The following NFKB1 variants were observed in gnomAD, a reference collection of about 807,000 sequenced individuals.
The protein encoded by NFKB1 is nuclear factor kappa B subunit 1.
In NFKB1, 9 loss-of-function variants were observed where a neutral mutation model predicts 105.1. That is an observed-to-expected ratio of 0.09 (90% CI 0.05 to 0.15). The LOEUF (loss-of-function observed/expected upper bound fraction) is 0.15. Among genes scored for constraint, NFKB1 ranks in the 10% least tolerant of loss-of-function variants. The pLI is 1.00. For synonymous variants in NFKB1, 440 were observed against 442.2 expected, an observed-to-expected ratio of 1.00 and a Z score of 0.06; for missense variants, 830 against 1,203.7, an observed-to-expected ratio of 0.69 and a Z score of 4.59.
chr4:102,566,921 A>G, intron 5 of NFKB1, 66 bp from the exon 6 acceptor site: 1 of 1,557,548 alleles, frequency 6.4e-7, no homozygotes. Context: ...CTGGCTTATC[A>G]TAAACATGTT....
intron 5 of NFKB1, among the ~76,000 whole-genome samples, chr4:102,542,828 T>G (rs1742096429): frequency 2.6e-5 from 4 of 152,190 alleles, no homozygotes; most frequent in Admixed American, 2.6e-4. Context: ...GCTGTCTAGA[T>G]AAAAATGTAT....
At chr4:102,552,856 C>T (rs1209478062) in intron 5 of NFKB1, among the ~76,000 whole-genome samples, 1 of 152,074 alleles carries the variant, frequency 6.6e-6, no homozygotes, top group Non-Finnish European at 1.5e-5. Context: ...GTGTTTCCCC[C>T]CTTCCTACTT....
chr4:102,522,310 TA>T (rs1298362437), intron 1 of NFKB1, among the ~76,000 whole-genome samples: 2 of 152,254 alleles, frequency 1.3e-5, no homozygotes, highest in African/African-American at 4.8e-5. Flanking sequence ...ACCATAGCGT[TA>T]CTGTTACCTC....
At chr4:102,550,782 G>A (rs230514) in intron 5 of NFKB1, among the ~76,000 whole-genome samples, 107,236 of 152,080 alleles carry the variant, frequency 0.71, 38,618 homozygotes, top group African/African-American at 0.84. Context: ...ACTTGGATTA[G>A]ATTTTTTCCT....
intron 1 of NFKB1, among the ~76,000 whole-genome samples, chr4:102,512,672 T>C (rs767888030): frequency 2.6e-5 from 4 of 152,218 alleles, no homozygotes; most frequent in Non-Finnish European, 5.9e-5. Flanking sequence ...TTTATCTGTA[T>C]GAGTGGTCAG....
Position 102,601,029 on chromosome 4 carries a change from AAAC to A in NFKB1, c.1752+24_1752+26del, listed in dbSNP as rs771795402. ...TACCAGGTAAGCAGAAATCTCAAGA[AAAC>A]AACTGAAGAAAAATCTGTAGTTTAC... On this transcript the variant is annotated intron_variant, in intron 16 of 23. Coordinates refer to ENST00000226574, the MANE Select transcript of NFKB1 (RefSeq NM_003998.4). 1.4e-6 allele frequency: 2 copies of A among 1,394,990 alleles called. No individual in the cohort carries two copies. The highest frequency in any genetic ancestry group is 1.2e-5 in the South Asian group (1 of 81,600). The allele number at this position is 1,394,990 out of a possible 1,614,324, so 86.4% of individuals were successfully genotyped here.
chr4:102,502,390 G>GCGCGCACACGCACACA lies in NFKB1; in HGVS notation c.-8+603_-8+604insGCGCACACGCACACAC, dbSNP rs1311577382. Among the ~76,000 whole-genome samples the GCGCGCACACGCACACA allele has an allele frequency of 2.6e-4, 27 of 105,398 alleles. 1 individual carries two copies. Among genetic ancestry groups the GCGCGCACACGCACACA allele is most frequent in the South Asian group, 3.7e-4 (1 of 2,720 alleles). The allele number at this position is 105,398 out of a possible 152,430, so 69.1% of individuals were successfully genotyped here. A position where few individuals can be genotyped will look rare whatever the true frequency, so the allele number is the denominator to read the frequency against. On this transcript the variant is annotated intron_variant, in intron 1 of 23. Transcript: ENST00000226574. Reference sequence around the variant, plus strand: ...CCCCCCTCCGTGCGCGCGCGCGCGCGCACACACACACACACACACACACAC... The same window carrying GCGCGCACACGCACACA: ...CCCCCCTCCGTGCGCGCGCGCGCGCGCGCGCACACGCACACACACACACACACACACACACACACAC...
chr4:102,559,442 A>G (rs2149156958), intron 5 of NFKB1, among the ~76,000 whole-genome samples: 1 of 152,138 alleles, frequency 6.6e-6, no homozygotes, highest in African/African-American at 2.4e-5. Context: ...AAAATAAGCC[A>G]TGGGGAGACA....
At chr4:102,607,773 C>A in intron 19 of NFKB1, 22 bp downstream of exon 19, 1 of 1,606,828 alleles carries the variant, frequency 6.2e-7, no homozygotes, top group South Asian at 1.1e-5. Flanking sequence ...ATCTGGCGGT[C>A]ATTAATGAAA....
At chr4:102,573,647 A>C (rs1281997643) in intron 6 of NFKB1, among the ~76,000 whole-genome samples, 3 of 151,886 alleles carry the variant, frequency 2.0e-5, no homozygotes, top group African/African-American at 7.3e-5. Context: ...ACTCCTCTTC[A>C]TCTTCTTCTG....
rs2149206507 is a variant in NFKB1, at chr4:102,596,205, A to T, written c.1368A>T (p.Val456=). 10 of 1,613,630 alleles carry T rather than the reference A, an allele frequency of 6.2e-6. No individual in the cohort carries two copies. The highest frequency in any genetic ancestry group is 8.5e-6 in the Non-Finnish European group (10 of 1,179,594). The change falls in exon 14 of 24, where the codon GTA becomes GTT. Residue 456 remains valine (V), a synonymous_variant. Coordinates refer to ENST00000226574, the MANE Select transcript of NFKB1 (RefSeq NM_003998.4). The stretch of plus-strand genomic sequence containing the variant: ...ACAAAAGTGATGACAAAAACACTGT[A>T]AACCTCTTTGGGAAAGTTATTGAAA... The part of the protein sequence containing the change: ...GCDKSDDKNT[V]NLFGKVIETT...
intron 5 of NFKB1, among the ~76,000 whole-genome samples, chr4:102,551,367 T>TGTGTGTGTGC (rs370790173): frequency 5.3e-5 from 8 of 150,204 alleles, no homozygotes; most frequent in Admixed American, 2.0e-4. Flanking sequence ...TGTGTGTGTG[T>TGTGTGTGTGC]GCGCGCGCGC....
intron 5 of NFKB1, among the ~76,000 whole-genome samples, chr4:102,564,444 A>G (rs138188175): frequency 6.8e-4 from 103 of 152,306 alleles, no homozygotes; most frequent in African/African-American, 2.4e-3. Context: ...TATTTTGGAA[A>G]GTCCACAAAA....
At chr4:102,608,671 T>TA (rs1224321257) in intron 19 of NFKB1, among the ~76,000 whole-genome samples, 7 of 145,198 alleles carry the variant, frequency 4.8e-5, no homozygotes, top group Admixed American at 4.8e-4. Flanking sequence ...TTTTTTTTTT[T>TA]AACTTAAAAG....
At chr4:102,540,257 T>G (rs949993592) in intron 5 of NFKB1, among the ~76,000 whole-genome samples, 3 of 152,188 alleles carry the variant, frequency 2.0e-5, no homozygotes, top group Non-Finnish European at 4.4e-5. Flanking sequence ...CACATGGCAT[T>G]AACTTTCTTA....
At chr4:102,543,934 G>A (rs758731316) in intron 5 of NFKB1, among the ~76,000 whole-genome samples, 35 of 152,206 alleles carry the variant, frequency 2.3e-4, no homozygotes, top group South Asian at 6.2e-4. Flanking sequence ...TGTTCACTGC[G>A]CAAGTATTTA....
intron 1 of NFKB1, among the ~76,000 whole-genome samples, chr4:102,513,155 C>G (rs1739893110): frequency 6.6e-6 from 1 of 152,140 alleles, no homozygotes; most frequent in African/African-American, 2.4e-5. Flanking sequence ...AAGGTCAGAA[C>G]AAAGTCCAGT....
At chr4:102,525,756 C>T (rs941191776) in intron 2 of NFKB1, among the ~76,000 whole-genome samples, 199 bp downstream of exon 2, 2 of 152,166 alleles carry the variant, frequency 1.3e-5, no homozygotes, top group Admixed American at 6.5e-5. Context: ...CGCTTTCACA[C>T]ATATTGTTGC....
intron 2 of NFKB1, among the ~76,000 whole-genome samples, chr4:102,526,373 G>T (rs1740912362): frequency 6.6e-6 from 1 of 152,030 alleles, no homozygotes; most frequent in South Asian, 2.1e-4. Context: ...GATGGGGGTG[G>T]ATGATAAGAA....
Sources: gnomAD v4.1 joint callset for allele counts (sites outside exome capture counted in the v4.1 genomes callset) on GRCh38, gnomAD v4.1.1 for gene constraint, MANE v1.5 for transcripts, NCBI Gene and HGNC (gene_info 2026-07-23, HGNC 2026-07-21) for gene names.